The following MXD4 variants were observed in gnomAD, a reference collection of about 807,000 sequenced individuals.
MXD4 encodes MAX dimerization protein 4, also known as Mad4 homolog.
Under a neutral mutation model 24.5 loss-of-function variants are expected in MXD4, and 16 were observed. That is an observed-to-expected ratio of 0.65 (90% CI 0.44 to 0.99). The LOEUF (loss-of-function observed/expected upper bound fraction) is 0.99. MXD4 is among the 50% of genes least tolerant of loss of function. The pLI is 0.00. For synonymous variants in MXD4, 164 were observed against 134.2 expected (o/e 1.22, Z -1.54); for missense variants, 301 against 301.5 (o/e 1.00, Z 0.01).
intron 2 of MXD4, chr4:2,258,825 G>A (rs1735481638): frequency 2.3e-6 from 1 of 443,862 alleles, no homozygotes; most frequent in Non-Finnish European, 4.5e-6. Flanking sequence ...TAGCAGGATG[G>A]GCTGCCCTGG....
chr4:2,251,260 G>A lies in MXD4; in HGVS notation c.310-14C>T, dbSNP rs557668919. ...CTCCTCCAGTTTCTGGGGTCGAGGG[G>A]GGCTGTGAGCTCACAGCGGGAAGAG... On this transcript the variant is annotated splice_polypyrimidine_tract_variant and intron_variant, in intron 4 of 5. Coordinates refer to ENST00000337190, the MANE Select transcript of MXD4 (RefSeq NM_006454.3). 3.8e-6 allele frequency: 6 copies of A among 1,576,676 alleles called. No homozygotes were observed. Among genetic ancestry groups the A allele is most frequent in the South Asian group, 3.4e-5 (3 of 87,100 alleles).
In MXD4 at chr4:2,258,980, T is replaced by C. The variant is rs747626978; in HGVS notation, c.165-969A>G. The C allele has an allele frequency of 7.5e-5, 34 of 455,080 alleles. 1 individual carries two copies. The highest frequency in any genetic ancestry group is 5.1e-4 in the South Asian group (33 of 64,478). The allele number at this position is 455,080 out of a possible 1,614,324, so 28.2% of individuals were successfully genotyped here. A position where few individuals can be genotyped will look rare whatever the true frequency, so the allele number is the denominator to read the frequency against. Reference sequence around the variant, plus strand: ...GGATAACGAGGCAGGGGGACCTCGCTCCCAGCTCCAGGCCACCTTCCGTGT... The same window carrying C: ...GGATAACGAGGCAGGGGGACCTCGCCCCCAGCTCCAGGCCACCTTCCGTGT... On this transcript the variant is annotated intron_variant, in intron 2 of 5. Transcript: ENST00000337190.
intron 3 of MXD4, among the ~76,000 whole-genome samples, chr4:2,256,611 G>A (rs1313321979): frequency 6.6e-6 from 1 of 152,170 alleles, no homozygotes; most frequent in Non-Finnish European, 1.5e-5. Flanking sequence ...GAGACCCCCT[G>A]CACTGGGGTG....
At chr4:2,258,934 G>A (rs758149959) in intron 2 of MXD4, 12 of 456,026 alleles carry the variant, frequency 2.6e-5, no homozygotes, top group South Asian at 1.2e-4. Flanking sequence ...ACCACAGGGT[G>A]TGCCACAGCA....
intron 4 of MXD4, 44 bp downstream of exon 4, chr4:2,252,364 T>C (rs1735340660): frequency 6.6e-7 from 1 of 1,518,674 alleles, no homozygotes; most frequent in Admixed American, 1.7e-5. Context: ...GCAGGGACAC[T>C]GAGGCAGCCA....
In MXD4 at chr4:2,250,288, G is replaced by C; in HGVS notation, c.*256C>G. On this transcript the variant is annotated 3_prime_UTR_variant, in exon 6 of 6. Coordinates refer to ENST00000337190, the MANE Select transcript of MXD4 (RefSeq NM_006454.3). ...GGAATCTGAGAACAGACCGTGGGCG[G>C]CTATGCTGACCAGGGCTCCGGATGT... is the stretch of plus-strand genomic sequence containing the variant. 2 of 565,216 alleles carry C rather than the reference G, an allele frequency of 3.5e-6. No homozygotes were observed. Among genetic ancestry groups the C allele is most frequent in the Non-Finnish European group, 6.3e-6 (2 of 318,442 alleles). The allele number at this position is 565,216 out of a possible 1,614,324, so 35.0% of individuals were successfully genotyped here.
At chr4:2,254,255 T>G (rs1199830676) in intron 3 of MXD4, 3 of 152,096 alleles carry the variant, frequency 2.0e-5, no homozygotes, top group Non-Finnish European at 2.9e-5. Flanking sequence ...CAAAACAACC[T>G]CATTATCATT....
intron 3 of MXD4, among the ~76,000 whole-genome samples, chr4:2,257,047 AG>A (rs2108790610): frequency 6.6e-6 from 1 of 152,278 alleles, no homozygotes; most frequent in African/African-American, 2.4e-5. Context: ...TGACCTGTCC[AG>A]GAAGTGCAGT....
intron 3 of MXD4, chr4:2,254,931 G>A (rs1482120733): frequency 1.3e-5 from 3 of 224,912 alleles, no homozygotes; most frequent in Admixed American, 5.2e-5. Context: ...ATCACTGACC[G>A]CCAACCAGCA....
chr4:2,254,974 T>C, intron 3 of MXD4: 2 of 248,756 alleles, frequency 8.0e-6, no homozygotes, highest in South Asian at 7.9e-5. Context: ...CCTACAAAAC[T>C]ATCCCCCCAG....
Position 2,261,991 on chromosome 4 carries a change from G to C in MXD4, c.-11C>G. The C allele has an allele frequency of 7.7e-7, 1 of 1,304,774 alleles. No homozygotes were observed. Among genetic ancestry groups the C allele is most frequent in the Non-Finnish European group, 9.8e-7 (1 of 1,019,030 alleles). The allele number at this position is 1,304,774 out of a possible 1,614,324, so 80.8% of individuals were successfully genotyped here. ...GGAGTTCAGCTCCATCCTCCCGCCCGCGCCCGTCCGCCCCGGGACGGCGGC... is the reference window on the plus strand; with the variant it reads ...GGAGTTCAGCTCCATCCTCCCGCCCCCGCCCGTCCGCCCCGGGACGGCGGC... On this transcript the variant is annotated 5_prime_UTR_variant, in exon 1 of 6. Coordinates refer to ENST00000337190, the MANE Select transcript of MXD4 (RefSeq NM_006454.3).
Position 2,255,658 on chromosome 4 carries a change from C to T in MXD4, c.194+2324G>A, listed in dbSNP as rs147288544. ...CCCCCTGCCAGCACCCCACGGCTGT[C>T]CCTGGGCATCCAAAGGGCTTTTAAA... On this transcript the variant is annotated intron_variant, in intron 3 of 5. Transcript: ENST00000337190. 3.8e-3 allele frequency among the ~76,000 whole-genome samples: 577 copies of T among 152,336 alleles called. 4 individuals carry two copies. Among genetic ancestry groups the T allele is most frequent in the African/African-American group, 0.013 (548 of 41,574 alleles).
At chr4:2,254,198 GAAAAAAAATA>G (rs1560113570) in intron 3 of MXD4, 1 of 150,718 alleles carries the variant, frequency 6.6e-6, no homozygotes, top group East Asian at 1.9e-4. Flanking sequence ...CAACAAAAAG[GAAAAAAAATA>G]AAAAAAAATT....
In MXD4 at chr4:2,251,104, G is replaced by A. The variant is rs36024893; in HGVS notation, c.452C>T (p.Ser151Phe). The change falls in exon 5 of 6, where the codon TCC becomes TTC. Residue 151 changes from serine (S) to phenylalanine (F), a missense_variant. Physicochemically the swap from Ser to Phe is radical, Grantham distance 155. Transcript: ENST00000337190. ...VRTDSTGSAVSTDDSEQEVDI... is the reference protein window; with the variant it reads ...VRTDSTGSAVFTDDSEQEVDI... Reference sequence around the variant, plus strand: ...CCCACCTTGCTCTGAGTCGTCCGTGGAGACAGCAGAGCCCGTGCTATCTGT... The same window carrying A: ...CCCACCTTGCTCTGAGTCGTCCGTGAAGACAGCAGAGCCCGTGCTATCTGT... 116 of 1,582,406 alleles carry A rather than the reference G, an allele frequency of 7.3e-5. 1 individual carries two copies. The Middle Eastern group carries it at 9.9e-4, about 13-fold the overall frequency.
chr4:2,260,942 C>A (rs1735527546), intron 2 of MXD4, among the ~76,000 whole-genome samples: 1 of 152,212 alleles, frequency 6.6e-6, no homozygotes, highest in Non-Finnish European at 1.5e-5. Context: ...CCACTCCCCA[C>A]GCGGGGGACC....
chr4:2,260,800 C>T (rs1162996170), intron 2 of MXD4, among the ~76,000 whole-genome samples: 2 of 152,228 alleles, frequency 1.3e-5, no homozygotes, highest in Non-Finnish European at 2.9e-5. Context: ...CTGAAGCCCC[C>T]TACAAACGCA....
Position 2,250,464 on chromosome 4 carries a change from C to G in MXD4, c.*80G>C. ...GCACAGCAGTGGGCCTGTGGAGAGG[C>G]TGGCGTCAACTGAAGGAGAACTGGA... On this transcript the variant is annotated 3_prime_UTR_variant, in exon 6 of 6. Coordinates refer to ENST00000337190, the MANE Select transcript of MXD4 (RefSeq NM_006454.3). The G allele has an allele frequency of 1.4e-6, 2 of 1,434,598 alleles. No individual in the cohort carries two copies. Among genetic ancestry groups the G allele is most frequent in the Non-Finnish European group, 1.9e-6 (2 of 1,080,324 alleles). The allele number at this position is 1,434,598 out of a possible 1,614,324, so 88.9% of individuals were successfully genotyped here. A position where few individuals can be genotyped will look rare whatever the true frequency, so the allele number is the denominator to read the frequency against.
chr4:2,250,252 T>C lies in MXD4; in HGVS notation c.*292A>G. 1 of 488,484 alleles carries C rather than the reference T, an allele frequency of 2.0e-6. No individual in the cohort carries two copies. The highest frequency in any genetic ancestry group is 3.2e-5 in the South Asian group (1 of 31,726). The allele number at this position is 488,484 out of a possible 1,614,324, so 30.3% of individuals were successfully genotyped here. A position where few individuals can be genotyped will look rare whatever the true frequency, so the allele number is the denominator to read the frequency against. ...TTGCAGCAATGACGTTTAATACTTC[T>C]GGAATGATTAGGAATCTGAGAACAG... On this transcript the variant is annotated 3_prime_UTR_variant, in exon 6 of 6. Coordinates refer to ENST00000337190, the MANE Select transcript of MXD4 (RefSeq NM_006454.3).
Position 2,250,325 on chromosome 4 carries a change from C to T in MXD4, c.*219G>A, listed in dbSNP as rs1735290937. ...AGGGCTCCGGATGTGGAAGCTGGGC[C>T]CTGCCTCCTTGCAGGGGACTCTGCC... On this transcript the variant is annotated 3_prime_UTR_variant, in exon 6 of 6. Coordinates refer to ENST00000337190, the MANE Select transcript of MXD4 (RefSeq NM_006454.3). The T allele has an allele frequency of 8.1e-6, 5 of 619,748 alleles. No homozygotes were observed. Among genetic ancestry groups the T allele is most frequent in the Non-Finnish European group, 1.4e-5 (5 of 362,898 alleles). 38.4% of individuals were successfully genotyped at this position (619,748 alleles called of 1,614,324 possible). A position where few individuals can be genotyped will look rare whatever the true frequency, so the allele number is the denominator to read the frequency against.
Sources: gnomAD v4.1 joint callset for allele counts (sites outside exome capture counted in the v4.1 genomes callset) on GRCh38, gnomAD v4.1.1 for gene constraint, MANE v1.5 for transcripts, NCBI Gene and HGNC (gene_info 2026-07-23, HGNC 2026-07-21) for gene names.